SOD2: variants seen among roughly 807,000 people sequenced by gnomAD.
SOD2 encodes the protein superoxide dismutase 2.
In SOD2, 11 loss-of-function variants were observed where a neutral mutation model predicts 27.0. The observed-to-expected ratio is 0.41, with a 90% CI of 0.26 to 0.67. The LOEUF is 0.67. Among genes scored for constraint, SOD2 ranks in the 30% least tolerant of loss-of-function variants. The pLI is 0.34. For synonymous variants in SOD2, 105 were observed against 103.0 expected (o/e 1.02, Z -0.12); for missense variants, 250 against 274.5 (o/e 0.91, Z 0.63).
At chr6:159,727,350 G>C (rs1057126473) in exon 1 of SOD2, 1 of 1,258,388 alleles carries the variant, frequency 7.9e-7, no homozygotes, top group Non-Finnish European at 1.0e-6. Flanking sequence ...GGGCCAGAAG[G>C]CGAACATGGC....
chr6:159,757,217 C>CA (rs1303642978), intron 1 of SOD2, among the ~76,000 whole-genome samples: 2 of 152,166 alleles, frequency 1.3e-5, no homozygotes, highest in East Asian at 3.9e-4. Context: ...CTGTTAAAAG[C>CA]AAAGTATTGT....
chr6:159,717,709 C>T (rs906330509), intron 1 of SOD2, among the ~76,000 whole-genome samples: 13 of 152,252 alleles, frequency 8.5e-5, no homozygotes, highest in Non-Finnish European at 1.8e-4. Flanking sequence ...TGGCTGTCCC[C>T]TCCCTACCCC....
chr6:159,704,211 C>T (rs149580113), intron 1 of SOD2, among the ~76,000 whole-genome samples: 2,339 of 152,244 alleles, frequency 0.015, 72 homozygotes, highest in African/African-American at 0.053. Context: ...ATGCAGAAGA[C>T]GGGTGATTTC....
At chr6:159,762,122 C>T in exon 1 of SOD2, 1 of 1,612,748 alleles carries the variant, frequency 6.2e-7, no homozygotes, top group Non-Finnish European at 8.5e-7. Flanking sequence ...GTCATCGTCT[C>T]GGCGGCGCGG....
At chr6:159,741,352 G>A (rs934353464) in intron 1 of SOD2, among the ~76,000 whole-genome samples, 35 of 152,250 alleles carry the variant, frequency 2.3e-4, no homozygotes, top group African/African-American at 7.7e-4. Flanking sequence ...TTCTCCCCCT[G>A]TGTTTACAGG....
chr6:159,758,328 T>G (rs1780057338), intron 1 of SOD2, among the ~76,000 whole-genome samples: 1 of 151,998 alleles, frequency 6.6e-6, no homozygotes, highest in Non-Finnish European at 1.5e-5. Context: ...CTGGGAAGTC[T>G]AAAGATCACA....
At chr6:159,721,053 TTTTA>T (rs1778030188) in intron 1 of SOD2, among the ~76,000 whole-genome samples, 1 of 150,080 alleles carries the variant, frequency 6.7e-6, no homozygotes, top group African/African-American at 2.4e-5. Flanking sequence ...TTTATTTAAT[TTTTA>T]TTTATTTATA....
intron 1 of SOD2, among the ~76,000 whole-genome samples, chr6:159,701,638 G>T (rs1358795065): frequency 6.6e-6 from 1 of 151,450 alleles, no homozygotes; most frequent in African/African-American, 2.4e-5. Context: ...ACAAGCCCAT[G>T]AAGCAAATTT....
intron 1 of SOD2, among the ~76,000 whole-genome samples, chr6:159,719,562 T>C (rs1486020941): frequency 6.9e-6 from 1 of 145,764 alleles, no homozygotes; most frequent in Non-Finnish European, 1.5e-5. Context: ...GGAGGTGGAG[T>C]CTGCAGTGAG....
At chr6:159,682,702 A>C (rs926921778) in intron 4 of SOD2, 64 bp from the exon 5 acceptor site, 11 of 1,482,942 alleles carry the variant, frequency 7.4e-6, no homozygotes, top group Middle Eastern at 1.8e-4. Flanking sequence ...GCATCTTCTC[A>C]ATTTCAACTT....
chr6:159,758,038 TAC>T (rs1170013871), intron 1 of SOD2, among the ~76,000 whole-genome samples: 1 of 152,242 alleles, frequency 6.6e-6, no homozygotes. Flanking sequence ...TATTCTGTGG[TAC>T]ACAGAGTCAG....
chr6:159,727,356 A>G (rs1307183512), upstream of SOD2: 5 of 983,660 alleles, frequency 5.1e-6, no homozygotes, highest in Admixed American at 3.6e-5. Flanking sequence ...GAAGGCGAAC[A>G]TGGCGGAGCG....
intron 1 of SOD2, among the ~76,000 whole-genome samples, chr6:159,708,485 G>A (rs533762937): frequency 1.3e-5 from 2 of 152,116 alleles, no homozygotes; most frequent in African/African-American, 4.8e-5. Flanking sequence ...ACAGACAAAC[G>A]GAGAACAAAA....
At chr6:159,688,727 G>A (rs1426355286) in intron 2 of SOD2, among the ~76,000 whole-genome samples, 1 of 151,986 alleles carries the variant, frequency 6.6e-6, no homozygotes, top group South Asian at 2.1e-4. Context: ...TGTCCTCCAC[G>A]TCTCAGTAAA....
chr6:159,755,284 T>C, intron 1 of SOD2: 1 of 1,614,226 alleles, frequency 6.2e-7, no homozygotes, highest in South Asian at 1.1e-5. Flanking sequence ...AGAGGACGTC[T>C]GGGTCTGGAT....
upstream of SOD2, among the ~76,000 whole-genome samples, chr6:159,745,755 G>C (rs1779538789): frequency 6.6e-6 from 1 of 152,150 alleles, no homozygotes. Context: ...ATGAAAGATA[G>C]ATTTGAGAGG....
At chr6:159,727,802 C>A, upstream of SOD2, 2 of 861,632 alleles carry the variant, frequency 2.3e-6, no homozygotes, top group Non-Finnish European at 2.8e-6. Context: ...GGGCAGGGCC[C>A]GAAAGGCCAC....
At chr6:159,742,126 G>T (rs781599173) in intron 1 of SOD2, 1 of 1,607,680 alleles carries the variant, frequency 6.2e-7, no homozygotes, top group Admixed American at 1.7e-5. Flanking sequence ...GCTTTGGAGG[G>T]CAAGTACACA....
chr6:159,755,760 C>CTTTTTTTTTTTTTTTTTTTTTT (rs1779984995), intron 1 of SOD2: 7 of 283,702 alleles, frequency 2.5e-5, no homozygotes, highest in African/African-American at 5.0e-5. Context: ...TTTTTTTTTT[C>CTTTTTTTTTTTTTTTTTTTTTT]TTTTCTTTTT....
Sources: gnomAD v4.1 joint callset for allele counts (sites outside exome capture counted in the v4.1 genomes callset) on GRCh38, gnomAD v4.1.1 for gene constraint, MANE v1.5 for transcripts, NCBI Gene and HGNC (gene_info 2026-07-23, HGNC 2026-07-21) for gene names.